Variants in ACSL6 observed in about 807,000 individuals in gnomAD.
ACSL6 encodes the protein long-chain-fatty-acid--CoA ligase 6.
A neutral mutation model predicts 98.2 loss-of-function variants in ACSL6; 47 were observed. That is an observed-to-expected ratio of 0.48 (90% confidence interval 0.38 to 0.61). The LOEUF is 0.61. Ranked by LOEUF, ACSL6 falls within the 20% of genes least tolerant of loss-of-function variation. ACSL6 has a pLI of 0.00. For synonymous variants in ACSL6, 362 were observed against 336.9 expected (o/e 1.07, Z -0.82); for missense variants, 761 against 913.4 (o/e 0.83, Z 2.15).
intron 15 of ACSL6, among the ~76,000 whole-genome samples, chr5:131,969,461 T>C (rs1439065048): frequency 1.3e-5 from 2 of 152,162 alleles, no homozygotes; most frequent in African/African-American, 4.8e-5. Context: ...GTGTTTTTTT[T>C]TTGTCACAGG....
intron 1 of ACSL6, among the ~76,000 whole-genome samples, chr5:132,004,004 G>A (rs1477560052): frequency 1.3e-5 from 2 of 152,162 alleles, no homozygotes; most frequent in Admixed American, 1.3e-4. Flanking sequence ...AAAAAGTGCT[G>A]GTACACAAGA....
chr5:131,953,996 C>A lies in ACSL6; in HGVS notation c.*238G>T. 3.3e-6 allele frequency: 1 copy of A among 307,158 alleles called. No homozygotes were observed. The highest frequency in any genetic ancestry group is 5.9e-6 in the Non-Finnish European group (1 of 169,568). 19.0% of individuals were successfully genotyped at this position (307,158 alleles called of 1,614,324 possible). On this transcript the variant is annotated 3_prime_UTR_variant, in exon 21 of 21. Coordinates refer to ENST00000651883, the MANE Select transcript of ACSL6 (RefSeq NM_001009185.3). ...TCTTGAGAAAATGTCTTGATTTTTA[C>A]ATTGCCATTTGTGATATTTTTAGCA...
At position 131,990,203 on chromosome 5, in the gene ACSL6, C is replaced by A; in HGVS notation, c.386-39G>T. 1.9e-6 allele frequency: 3 copies of A among 1,607,274 alleles called. No individual in the cohort carries two copies. In the South Asian group the frequency reaches 3.3e-5, roughly 18 times the overall value. ...AGAAAGCCTTGTGTCAGAGAGGGGTCAGAGTGGGTGTGCCACCTGCATCCG... is the reference window on the plus strand; with the variant it reads ...AGAAAGCCTTGTGTCAGAGAGGGGTAAGAGTGGGTGTGCCACCTGCATCCG... On this transcript the variant is annotated intron_variant, in intron 3 of 20. Coordinates refer to ENST00000651883, the MANE Select transcript of ACSL6 (RefSeq NM_001009185.3).
chr5:131,995,340 G>C (rs911904413), intron 1 of ACSL6, among the ~76,000 whole-genome samples: 2 of 152,182 alleles, frequency 1.3e-5, no homozygotes, highest in African/African-American at 4.8e-5. Context: ...ACCTTGCTTG[G>C]AACTGAGGAA....
At position 132,004,971 on chromosome 5, in the gene ACSL6, G is replaced by A. The variant is rs576229636; in HGVS notation, c.49+6534C>T. ...TTGAGAACAGCCTGGCCAATGTGGT[G>A]AAACCCCGTCTCTACCAAAAATACA... On this transcript the variant is annotated intron_variant, in intron 1 of 20. Transcript: ENST00000651883. Among the ~76,000 whole-genome samples, 187 of 152,204 alleles carry A rather than the reference G, an allele frequency of 1.2e-3. 1 individual carries two copies. Among genetic ancestry groups the A allele is most frequent in the Middle Eastern group, 0.01 (3 of 294 alleles).
Position 132,011,594 on chromosome 5 carries a change from C to CGACCCGCA in ACSL6, c.-49_-42dup. 6.8e-7 allele frequency: 1 copy of CGACCCGCA among 1,461,076 alleles called. No individual in the cohort carries two copies. The highest frequency in any genetic ancestry group is 9.0e-7 in the Non-Finnish European group (1 of 1,108,462). 90.5% of individuals were successfully genotyped at this position (1,461,076 alleles called of 1,614,324 possible). On this transcript the variant is annotated 5_prime_UTR_variant, in exon 1 of 21. Coordinates refer to ENST00000651883, the MANE Select transcript of ACSL6 (RefSeq NM_001009185.3). This position sits in a 1 kb window ranked among gnomAD's most constrained non-coding sequence, Gnocchi z 5.4. ...CCGGCCCGGCCCGGCCCGGCCTCCC[C>CGACCCGCA]GACCCGCAGCCCCGCAGCCCCGCAG... is the stretch of plus-strand genomic sequence containing the variant.
At chr5:131,974,861 G>A in intron 11 of ACSL6, 32 bp downstream of exon 11, 1 of 1,613,982 alleles carries the variant, frequency 6.2e-7, no homozygotes, top group Non-Finnish European at 8.5e-7. Context: ...AGGAGCCCAG[G>A]CAAGGCCCGG....
rs1580612531 is a variant in ACSL6 at position 131,951,838 on chromosome 5, C to G, written c.*2396G>C. The stretch of plus-strand genomic sequence containing the variant: ...TCCTGACTTCGTGATCTGCCCGCCT[C>G]GGCCTCCCAAAGTGCTGGGATTACA... On this transcript the variant is annotated 3_prime_UTR_variant, in exon 21 of 21. Transcript: ENST00000651883. The G allele has an allele frequency of 6.1e-6, 1 of 163,498 alleles. No individual in the cohort carries two copies. Among genetic ancestry groups the G allele is most frequent in the African/African-American group, 2.4e-5 (1 of 41,766 alleles). 10.1% of individuals were successfully genotyped at this position (163,498 alleles called of 1,614,324 possible). A position where few individuals can be genotyped will look rare whatever the true frequency, so the allele number is the denominator to read the frequency against.
chr5:131,986,623 T>C (rs1308421943), intron 8 of ACSL6, among the ~76,000 whole-genome samples, 199 bp downstream of exon 8: 1 of 152,174 alleles, frequency 6.6e-6, no homozygotes, highest in Non-Finnish European at 1.5e-5. Flanking sequence ...CCCTCCCAAA[T>C]ACCTGACTCC....
At position 132,010,978 on chromosome 5, in the gene ACSL6, A is replaced by G. The variant is rs1207048449; in HGVS notation, c.49+527T>C. On this transcript the variant is annotated intron_variant, in intron 1 of 20. Transcript: ENST00000651883. ...CAGCCCTGGGCAGAGCAGAGGAGCC[A>G]GGTGAACCCTACCTTACAGAAATCT... is the stretch of plus-strand genomic sequence containing the variant. 3.3e-5 allele frequency among the ~76,000 whole-genome samples: 5 copies of G among 152,272 alleles called. No individual in the cohort carries two copies. The East Asian group carries it at 9.7e-4, about 29-fold the overall frequency.
intron 17 of ACSL6, 90 bp downstream of exon 17, chr5:131,966,326 G>T: frequency 7.9e-7 from 1 of 1,258,258 alleles, no homozygotes; most frequent in Non-Finnish European, 1.2e-6. Context: ...TGTCAGGGGG[G>T]ATTTGGAGAA....
At chr5:131,991,031 C>A (rs1754481968) in intron 2 of ACSL6, 64 bp from the exon 3 acceptor site, 8 of 1,391,844 alleles carry the variant, frequency 5.7e-6, no homozygotes, top group Non-Finnish European at 6.1e-6. Context: ...GAGAGGGCCG[C>A]AGCATGCACA....
At chr5:132,005,414 G>A (rs1246150455) in intron 1 of ACSL6, among the ~76,000 whole-genome samples, 1 of 152,230 alleles carries the variant, frequency 6.6e-6, no homozygotes, top group Non-Finnish European at 1.5e-5. Flanking sequence ...ACTGACAATT[G>A]TCTTCCTCTC....
At chr5:131,970,332 G>A (rs762953216) in intron 14 of ACSL6, 132 bp from the exon 15 acceptor site, 2 of 738,300 alleles carry the variant, frequency 2.7e-6, no homozygotes, top group Non-Finnish European at 4.6e-6. Context: ...GAGGGAGGGA[G>A]GTGCTCTGGA....
At chr5:132,002,876 G>T (rs1017682433) in intron 1 of ACSL6, among the ~76,000 whole-genome samples, 1 of 152,172 alleles carries the variant, frequency 6.6e-6, no homozygotes, top group Admixed American at 6.5e-5. Flanking sequence ...AAAGGAAAAA[G>T]ATGGTGATGG....
chr5:131,975,259 G>T, intron 10 of ACSL6: 1 of 1,257,538 alleles, frequency 8.0e-7, no homozygotes, highest in Non-Finnish European at 1.0e-6. Context: ...ATCTGCAGAA[G>T]CAAAGAGCCA....
chr5:131,989,429 A>C lies in ACSL6; in HGVS notation c.530T>G (p.Val177Gly). ...CACCTCTGGCCGATTTTGTGCAAAA[A>C]CACCAATAAACTGATCAGTGCATGC... ...CKACTDQFIG[V>G]FAQNRPEWII... is the part of the protein sequence containing the mutation. Residue 177 changes from valine to glycine, a missense_variant, in exon 5 of 21, where the codon GTT becomes GGT. Coordinates refer to ENST00000651883, the MANE Select transcript of ACSL6 (RefSeq NM_001009185.3). 6.2e-7 allele frequency: 1 copy of C among 1,613,940 alleles called. No homozygotes were observed. Among genetic ancestry groups the C allele is most frequent in the African/African-American group, 1.3e-5 (1 of 75,000 alleles).
intron 12 of ACSL6, 90 bp downstream of exon 12, chr5:131,973,176 C>T: frequency 6.6e-7 from 1 of 1,507,956 alleles, no homozygotes; most frequent in Non-Finnish European, 9.0e-7. Context: ...GCAGTGGAGG[C>T]ACTGAAAGCC....
chr5:131,986,003 T>C (rs757949183), intron 8 of ACSL6, among the ~76,000 whole-genome samples: 25 of 152,296 alleles, frequency 1.6e-4, no homozygotes, highest in Non-Finnish European at 3.1e-4. Flanking sequence ...TCTGCTTGCA[T>C]GTAGAGGATG....
Sources: gnomAD v4.1 joint callset for allele counts (sites outside exome capture counted in the v4.1 genomes callset) on GRCh38, gnomAD v4.1.1 for gene constraint, Gnocchi (gnomAD v3.1) non-coding constraint, MANE v1.5 for transcripts, NCBI Gene and HGNC (gene_info 2026-07-23, HGNC 2026-07-21) for gene names.